The following HECTD4 variants were observed in gnomAD, a reference collection of about 807,000 sequenced individuals.
The protein encoded by HECTD4 is probable E3 ubiquitin-protein ligase HECTD4.
A neutral mutation model predicts 471.5 loss-of-function variants in HECTD4; 114 were observed. The ratio of observed to expected loss-of-function variants is 0.24; its 90% confidence interval spans 0.21 to 0.28. The LOEUF (loss-of-function observed/expected upper bound fraction) is 0.28, where lower values mean the gene tolerates loss of function less well. HECTD4 is among the 10% of genes least tolerant of loss of function. The pLI is 1.00. For synonymous variants in HECTD4, 2,012 were observed against 2,256.0 expected (o/e 0.89, Z 3.07); for missense variants, 3,866 against 5,651.5 (o/e 0.68, Z 10.13).
intron 1 of HECTD4, among the ~76,000 whole-genome samples, chr12:112,361,373 G>A (rs1476878661): frequency 1.3e-5 from 2 of 151,784 alleles, no homozygotes; most frequent in African/African-American, 4.8e-5. Context: ...AGGCTCAAGC[G>A]ATCCTCCCAC....
chr12:112,317,982 AAG>A (rs2035514997), intron 2 of HECTD4, among the ~76,000 whole-genome samples: 1 of 150,726 alleles, frequency 6.6e-6, no homozygotes, highest in Admixed American at 6.6e-5. Context: ...AAAAAAAAAA[AAG>A]AGAGGAATAG....
intron 6 of HECTD4, among the ~76,000 whole-genome samples, chr12:112,307,731 G>A (rs2035293500): frequency 6.6e-6 from 1 of 152,226 alleles, no homozygotes; most frequent in African/African-American, 2.4e-5. Flanking sequence ...AAGAAGAAAT[G>A]TAACATTACA....
intron 1 of HECTD4, among the ~76,000 whole-genome samples, chr12:112,353,274 T>A (rs1333527768): frequency 1.3e-5 from 2 of 152,210 alleles, no homozygotes; most frequent in African/African-American, 2.4e-5. Flanking sequence ...AAAGAACAGG[T>A]GAGGGATTCT....
intron 32 of HECTD4, among the ~76,000 whole-genome samples, chr12:112,241,752 G>A (rs890583066): frequency 1.1e-4 from 17 of 152,044 alleles, no homozygotes; most frequent in Non-Finnish European, 1.3e-4. Flanking sequence ...GAGACACTGG[G>A]CCCAACAAAA....
Position 112,239,782 on chromosome 12 carries a change from G to T in HECTD4, c.5105+99C>A. On this transcript the variant is annotated intron_variant, in intron 33 of 75. Coordinates refer to ENST00000682272, the MANE Select transcript of HECTD4 (RefSeq NM_001388303.1). This position sits in a 1 kb window ranked among gnomAD's most constrained non-coding sequence, Gnocchi z 4.9. ...TTTTGTATAGCTAGCTCTGGATAAT[G>T]AAAGCAAAAAATCCAATTTTTAAAA... 1.7e-6 allele frequency: 2 copies of T among 1,206,030 alleles called. No homozygotes were observed. The highest frequency in any genetic ancestry group is 1.1e-6 in the Non-Finnish European group (1 of 884,112). The allele number at this position is 1,206,030 out of a possible 1,614,324, so 74.7% of individuals were successfully genotyped here.
intron 7 of HECTD4, among the ~76,000 whole-genome samples, chr12:112,287,557 C>G (rs149036600): frequency 1.1e-4 from 17 of 152,132 alleles, no homozygotes; most frequent in Non-Finnish European, 2.1e-4. Context: ...ATATAGAGCA[C>G]ATGGGGGCAG....
Position 112,193,220 on chromosome 12 carries a change from C to T in HECTD4, c.8956-29G>A. ...CAAAGAGACACTGAATAAGGAAAGC[C>T]ACGGGCTAAACACAGGGACAGCATT... is the stretch of plus-strand genomic sequence containing the variant. On this transcript the variant is annotated intron_variant, in intron 57 of 75. Transcript: ENST00000682272. This position sits in a 1 kb window ranked among gnomAD's most constrained non-coding sequence, Gnocchi z 5.2. The T allele has an allele frequency of 6.2e-7, 1 of 1,611,224 alleles. No individual in the cohort carries two copies. The highest frequency in any genetic ancestry group is 8.5e-7 in the Non-Finnish European group (1 of 1,178,618).
chr12:112,355,777 A>T (rs1326842614), intron 1 of HECTD4, among the ~76,000 whole-genome samples: 1 of 152,198 alleles, frequency 6.6e-6, no homozygotes, highest in African/African-American at 2.4e-5. Context: ...AACAATAAAA[A>T]TAAAAATAAA....
At chr12:112,250,754 C>T in intron 24 of HECTD4, among the ~76,000 whole-genome samples, 1 of 152,116 alleles carries the variant, frequency 6.6e-6, no homozygotes, top group East Asian at 1.9e-4. Flanking sequence ...TGGAGAAAAG[C>T]TTATGCAGTT....
rs763622758 is a variant in HECTD4, at chr12:112,250,233, A to G, written c.3861T>C (p.Asp1287=). ...CTGGAGGCAGTCTGATCCGAGGCAG[A>G]TCAAAGTAGTTTCCAACAGGAGGCA... ...VLVPPVGNYF[D]LPRIRLPPGI... is the part of the protein sequence containing the mutation. The change falls in exon 25 of 76, where the codon GAT becomes GAC. Residue 1287 remains aspartate, a synonymous_variant. Transcript: ENST00000682272. 6.2e-7 allele frequency: 1 copy of G among 1,614,028 alleles called. No individual in the cohort carries two copies. The highest frequency in any genetic ancestry group is 1.7e-5 in the Admixed American group (1 of 60,022).
intron 7 of HECTD4, chr12:112,302,715 T>G: frequency 2.3e-6 from 1 of 432,720 alleles, no homozygotes; most frequent in Non-Finnish European, 4.1e-6. Flanking sequence ...CTTTTTCTCA[T>G]TTTTAATCTT....
chr12:112,253,548 T>A (rs1181286295), intron 22 of HECTD4, among the ~76,000 whole-genome samples: 1 of 152,236 alleles, frequency 6.6e-6, no homozygotes, highest in Non-Finnish European at 1.5e-5. Flanking sequence ...CATTTCAGTC[T>A]TATATTCATA....
chr12:112,382,161 G>GAC lies in HECTD4; in HGVS notation c.-35_-34dup. The GAC allele has an allele frequency of 8.2e-7, 1 of 1,215,490 alleles. No individual in the cohort carries two copies. The highest frequency in any genetic ancestry group is 3.3e-5 in the East Asian group (1 of 30,376). 75.3% of individuals were successfully genotyped at this position (1,215,490 alleles called of 1,614,324 possible). A position where few individuals can be genotyped will look rare whatever the true frequency, so the allele number is the denominator to read the frequency against. On this transcript the variant is annotated 5_prime_UTR_variant, in exon 1 of 76. Coordinates refer to ENST00000682272, the MANE Select transcript of HECTD4 (RefSeq NM_001388303.1). ...GCTGAAGGCTTGGCGCTGAGGAGCA[G>GAC]ACGCCCGGCCGGGGGAAACGGAGCA...
At chr12:112,244,140 A>G in intron 29 of HECTD4, 131 bp from the exon 30 acceptor site, 1 of 745,670 alleles carries the variant, frequency 1.3e-6, no homozygotes, top group Non-Finnish European at 2.1e-6. Context: ...TCTAGCTAGC[A>G]CAGCATACTG....
Position 112,319,180 on chromosome 12 carries a change from G to T in HECTD4, c.695+45C>A, listed in dbSNP as rs1380809430. On this transcript the variant is annotated intron_variant, in intron 2 of 75. Coordinates refer to ENST00000682272, the MANE Select transcript of HECTD4 (RefSeq NM_001388303.1). This position sits in a 1 kb window ranked among gnomAD's most constrained non-coding sequence, Gnocchi z 5.3. Reference sequence around the variant, plus strand: ...CTTCTTCATTCACCCAACCCAGGTGGCAGTAGTCACAAGGTCACCAAATGA... The same window carrying T: ...CTTCTTCATTCACCCAACCCAGGTGTCAGTAGTCACAAGGTCACCAAATGA... The T allele has an allele frequency of 2.0e-6, 3 of 1,523,866 alleles. No homozygotes were observed. Among genetic ancestry groups the T allele is most frequent in the East Asian group, 4.9e-5 (2 of 40,842 alleles). 94.4% of individuals were successfully genotyped at this position (1,523,866 alleles called of 1,614,324 possible).
chr12:112,188,022 C>T lies in HECTD4; in HGVS notation c.9473-2529G>A, dbSNP rs1203208896. Among the ~76,000 whole-genome samples, 5 of 151,990 alleles carry T rather than the reference C, an allele frequency of 3.3e-5. No homozygotes were observed. The highest frequency in any genetic ancestry group is 7.4e-5 in the Non-Finnish European group (5 of 67,990). On this transcript the variant is annotated intron_variant, in intron 60 of 75. Transcript: ENST00000682272. This position sits in a 1 kb window ranked among gnomAD's most constrained non-coding sequence, Gnocchi z 4.2. ...TGCATGCTGGCTGGGCTCAGTGGTT[C>T]ATGCCTGTAATCCCAGTACTATGGG...
intron 1 of HECTD4, among the ~76,000 whole-genome samples, chr12:112,336,513 A>G (rs1350928070): frequency 2.0e-5 from 3 of 150,232 alleles, no homozygotes; most frequent in Non-Finnish European, 4.4e-5. Flanking sequence ...ACAGAGCAAG[A>G]CTCCGTCTCA....
At chr12:112,325,676 A>G (rs1045238659) in intron 1 of HECTD4, among the ~76,000 whole-genome samples, 39 of 152,366 alleles carry the variant, frequency 2.6e-4, no homozygotes, top group African/African-American at 9.4e-4. Context: ...TATCCCTGTC[A>G]TCCTTAATCA....
intron 52 of HECTD4, among the ~76,000 whole-genome samples, chr12:112,206,628 C>A (rs1488786010): frequency 6.6e-6 from 1 of 151,256 alleles, no homozygotes; most frequent in Non-Finnish European, 1.5e-5. Context: ...GCTCTGCCTC[C>A]CGGGTTCCTG....
Sources: gnomAD v4.1 joint callset for allele counts (sites outside exome capture counted in the v4.1 genomes callset) on GRCh38, gnomAD v4.1.1 for gene constraint, Gnocchi (gnomAD v3.1) non-coding constraint, MANE v1.5 for transcripts, NCBI Gene and HGNC (gene_info 2026-07-23, HGNC 2026-07-21) for gene names.